The following LRP1B variants were observed in gnomAD, a reference collection of about 807,000 sequenced individuals.
LRP1B encodes the protein low-density lipoprotein receptor-related protein 1B.
In LRP1B, 217 loss-of-function variants were observed where a neutral mutation model predicts 556.6. The ratio of observed to expected loss-of-function variants is 0.39; its 90% CI spans 0.35 to 0.44. LRP1B has a LOEUF of 0.44. LRP1B is among the 20% of genes least tolerant of loss of function. The probability of loss-of-function intolerance (pLI) is 1.00; values close to 1 mark genes in which losing one functional copy is unlikely to be tolerated. For synonymous variants in LRP1B, 2,047 were observed against 1,865.8 expected (o/e 1.10, Z -2.50); for missense variants, 5,053 against 5,620.8 (o/e 0.90, Z 3.23).
At chr2:140,988,105 T>G (rs1216011387) in intron 17 of LRP1B, among the ~76,000 whole-genome samples, 1 of 152,132 alleles carries the variant, frequency 6.6e-6, no homozygotes, top group Non-Finnish European at 1.5e-5. Flanking sequence ...ATATGCAGGA[T>G]AATATCATTT....
At chr2:141,756,137 C>T (rs755139408) in intron 2 of LRP1B, among the ~76,000 whole-genome samples, 27 of 152,020 alleles carry the variant, frequency 1.8e-4, no homozygotes, top group Non-Finnish European at 3.1e-4. Flanking sequence ...TCCCTCTTAC[C>T]TTCTTCTGCA....
intron 7 of LRP1B, among the ~76,000 whole-genome samples, chr2:141,159,227 G>T (rs546681581): frequency 6.6e-6 from 1 of 152,062 alleles, no homozygotes; most frequent in Non-Finnish European, 1.5e-5. Flanking sequence ...AACTCAGAGT[G>T]ATCTTCTTCA....
chr2:142,031,561 T>A (rs985078852), intron 1 of LRP1B, among the ~76,000 whole-genome samples: 10 of 146,442 alleles, frequency 6.8e-5, no homozygotes, highest in African/African-American at 2.5e-4. Flanking sequence ...ACTTATTTAT[T>A]GATAAGATTC....
intron 14 of LRP1B, among the ~76,000 whole-genome samples, chr2:141,011,071 C>CAG (rs143409764): frequency 0.067 from 9,604 of 142,716 alleles, 726 homozygotes; most frequent in East Asian, 0.4. Flanking sequence ...TGTATTCTCT[C>CAG]AGAGAGAGAG....
chr2:140,361,724 C>T (rs1682526794), intron 72 of LRP1B, among the ~76,000 whole-genome samples: 1 of 151,246 alleles, frequency 6.6e-6, no homozygotes, highest in Non-Finnish European at 1.5e-5. Flanking sequence ...CTTTGATAAT[C>T]CCCTTCCTGA....
chr2:140,525,409 T>C (rs765828044), intron 49 of LRP1B, among the ~76,000 whole-genome samples: 2 of 151,918 alleles, frequency 1.3e-5, no homozygotes, highest in Non-Finnish European at 2.9e-5. Context: ...ATTATAACTA[T>C]TACTCAAATT....
chr2:141,638,185 T>C (rs1574174966), intron 2 of LRP1B, among the ~76,000 whole-genome samples: 1 of 151,934 alleles, frequency 6.6e-6, no homozygotes, highest in African/African-American at 2.4e-5. Context: ...AGACCTTGTC[T>C]CAAAGAAAAA....
intron 6 of LRP1B, among the ~76,000 whole-genome samples, chr2:141,225,114 A>T (rs1282732431): frequency 2.6e-5 from 4 of 152,166 alleles, no homozygotes; most frequent in African/African-American, 4.8e-5. Context: ...AAAAAGATAA[A>T]AGCCTGTGAA....
At chr2:141,487,939 G>A (rs761341039) in intron 2 of LRP1B, among the ~76,000 whole-genome samples, 18 of 152,172 alleles carry the variant, frequency 1.2e-4, no homozygotes, top group Non-Finnish European at 2.4e-4. Flanking sequence ...TTGAAAAATA[G>A]GGATTAATAA....
intron 31 of LRP1B, among the ~76,000 whole-genome samples, chr2:140,817,521 T>C (rs1437435268): frequency 6.6e-6 from 1 of 151,892 alleles, no homozygotes; most frequent in East Asian, 1.9e-4. Flanking sequence ...AGTTTAATTG[T>C]TACTGAGACA....
At chr2:141,053,826 A>ATGTGTGTG (rs200557177) in intron 10 of LRP1B, among the ~76,000 whole-genome samples, 644 of 62,560 alleles carry the variant, frequency 0.01, 3 homozygotes, top group African/African-American at 0.029. Context: ...ATGTGTGTAT[A>ATGTGTGTG]TATGTGTGTG....
At chr2:141,093,700 A>C (rs1371091309) in intron 7 of LRP1B, among the ~76,000 whole-genome samples, 4 of 151,898 alleles carry the variant, frequency 2.6e-5, no homozygotes, top group Non-Finnish European at 5.9e-5. Context: ...AAAATAGATA[A>C]ATCTGTGACT....
At chr2:141,005,132 C>T (rs1212827878) in intron 15 of LRP1B, among the ~76,000 whole-genome samples, 1 of 151,978 alleles carries the variant, frequency 6.6e-6, no homozygotes, top group Non-Finnish European at 1.5e-5. Context: ...TAGCAGTGAA[C>T]TCCATGAAAC....
intron 2 of LRP1B, among the ~76,000 whole-genome samples, chr2:141,689,685 T>A (rs1691444433): frequency 6.6e-6 from 1 of 151,752 alleles, no homozygotes; most frequent in African/African-American, 2.4e-5. Flanking sequence ...GTGATGGAAA[T>A]TTTGTTTTTC....
At chr2:140,258,031 T>TG (rs1373413738) in intron 86 of LRP1B, among the ~76,000 whole-genome samples, 1 of 152,132 alleles carries the variant, frequency 6.6e-6, no homozygotes, top group African/African-American at 2.4e-5. Context: ...GCCATCACAA[T>TG]GTAGAGGAAT....
At chr2:141,154,277 A>G (rs1057455792) in intron 7 of LRP1B, among the ~76,000 whole-genome samples, 1 of 151,906 alleles carries the variant, frequency 6.6e-6, no homozygotes, top group African/African-American at 2.4e-5. Flanking sequence ...TGAACCAGAA[A>G]TCATCTTTTG....
intron 52 of LRP1B, among the ~76,000 whole-genome samples, chr2:140,507,440 T>A (rs1285954259): frequency 6.6e-6 from 1 of 152,170 alleles, no homozygotes; most frequent in Non-Finnish European, 1.5e-5. Context: ...TTTTGGTGAC[T>A]TCTAGAGTGG....
chr2:140,559,772 C>A (rs1289855490), intron 43 of LRP1B, among the ~76,000 whole-genome samples: 52 of 128,632 alleles, frequency 4.0e-4, no homozygotes, highest in Admixed American at 5.9e-4. Context: ...AAAAAAAAAA[C>A]CAAGTTAACA....
chr2:140,814,840 T>C (rs893586382), intron 31 of LRP1B, among the ~76,000 whole-genome samples: 7 of 152,132 alleles, frequency 4.6e-5, no homozygotes, highest in African/African-American at 1.7e-4. Flanking sequence ...GGCTAGGCTT[T>C]ATTATATTTT....
Sources: allele counts gnomAD v4.1 joint callset (sites outside exome capture counted in the v4.1 genomes callset), GRCh38; gene constraint gnomAD v4.1.1; transcripts MANE v1.5; gene names NCBI Gene and HGNC (gene_info 2026-07-23, HGNC 2026-07-21).